The following ZNF292 variants were observed in gnomAD, a reference collection of about 807,000 sequenced individuals.
ZNF292 encodes zinc finger protein 292, also known as 16 zinc-finger domain protein.
In ZNF292, 26 loss-of-function variants were observed where a neutral mutation model predicts 217.9. That is an observed-to-expected ratio of 0.12 (90% CI 0.09 to 0.17). The LOEUF is 0.17. ZNF292 is among the 10% of genes least tolerant of loss of function. The pLI, the probability that ZNF292 is intolerant of heterozygous loss-of-function variation, is 1.00. For missense variants in ZNF292, 2,904 were observed against 3,175.2 expected (o/e 0.91, Z 2.05); for synonymous variants, 1,257 against 1,124.1 (o/e 1.12, Z -2.37).
At chr6:87,189,791 TC>T (rs1771775400) in intron 1 of ZNF292, among the ~76,000 whole-genome samples, 1 of 152,190 alleles carries the variant, frequency 6.6e-6, no homozygotes, top group Non-Finnish European at 1.5e-5. Flanking sequence ...TCTTCACCCT[TC>T]CCCTTCCATA....
In ZNF292 at chr6:87,257,185, C is replaced by T; in HGVS notation, c.3556C>T (p.His1186Tyr). The T allele has an allele frequency of 6.2e-7, 1 of 1,613,888 alleles. No homozygotes were observed. The highest frequency in any genetic ancestry group is 8.5e-7 in the Non-Finnish European group (1 of 1,179,852). Residue 1186 changes from histidine to tyrosine, a missense_variant, in exon 8 of 8, where the codon CAT becomes TAT. Transcript: ENST00000369577. ...TCCTGCTTGTTCGGCCCAGTTGCAG[C>T]ATGTCTCGCCACCCATTTTTCCAGC... is the stretch of plus-strand genomic sequence containing the variant. Reference protein sequence around the residue: ...GNPACSAQLQHVSPPIFPAHL... With the variant: ...GNPACSAQLQYVSPPIFPAHL...
At chr6:87,176,679 T>C (rs1287901697) in intron 1 of ZNF292, among the ~76,000 whole-genome samples, 1 of 152,218 alleles carries the variant, frequency 6.6e-6, no homozygotes, top group Non-Finnish European at 1.5e-5. Context: ...CTCATCATTA[T>C]GTCTGAGGCA....
Position 87,258,509 on chromosome 6 carries a change from C to T in ZNF292, c.4880C>T (p.Ala1627Val). 6.2e-7 allele frequency: 1 copy of T among 1,613,648 alleles called. No individual in the cohort carries two copies. The highest frequency in any genetic ancestry group is 8.5e-7 in the Non-Finnish European group (1 of 1,179,772). ...SSHLNKKGNS[A>V]SKRRKKVAPP... is the part of the protein sequence containing the mutation. ...CATTTAAATAAAAAGGGAAACAGTG[C>T]TTCTAAGAGAAGAAAGAAAGTTGCT... is the stretch of plus-strand genomic sequence containing the variant. The change falls in exon 8 of 8, where the codon GCT becomes GTT. Residue 1627 changes from alanine to valine, a missense_variant. By Grantham distance (64) the Ala-to-Val change is moderately conservative. Transcript: ENST00000369577.
chr6:87,235,955 TAAC>T (rs1413003211), intron 5 of ZNF292, among the ~76,000 whole-genome samples: 7 of 152,242 alleles, frequency 4.6e-5, no homozygotes, highest in Non-Finnish European at 7.3e-5. Flanking sequence ...TGTTACAAAG[TAAC>T]AACATTACTT....
At chr6:87,187,775 A>G (rs1459971065) in intron 1 of ZNF292, among the ~76,000 whole-genome samples, 1 of 151,426 alleles carries the variant, frequency 6.6e-6, no homozygotes, top group Non-Finnish European at 1.5e-5. Flanking sequence ...TTGATGCTCC[A>G]GATTAAAAGC....
At chr6:87,190,336 TAAG>T (rs1771788603) in intron 1 of ZNF292, among the ~76,000 whole-genome samples, 1 of 152,220 alleles carries the variant, frequency 6.6e-6, no homozygotes, top group African/African-American at 2.4e-5. Flanking sequence ...TGAATATTGT[TAAG>T]AAAGATCCTA....
At chr6:87,164,383 A>G (rs1770847824) in intron 1 of ZNF292, among the ~76,000 whole-genome samples, 1 of 152,106 alleles carries the variant, frequency 6.6e-6, no homozygotes, top group Non-Finnish European at 1.5e-5. Flanking sequence ...CTGGTGTCAT[A>G]TTTATAATGA....
At chr6:87,252,494 A>G (rs1168535201) in intron 7 of ZNF292, among the ~76,000 whole-genome samples, 1 of 152,130 alleles carries the variant, frequency 6.6e-6, no homozygotes, top group African/African-American at 2.4e-5. Flanking sequence ...CATTTCCTGA[A>G]TTTCTGAATA....
chr6:87,219,987 G>A (rs4707352), intron 4 of ZNF292, among the ~76,000 whole-genome samples: 96,174 of 151,872 alleles, frequency 0.63, 32,097 homozygotes, highest in African/African-American at 0.85. Context: ...CACTCAGCTA[G>A]TTTTTGTATT....
At chr6:87,176,781 T>A (rs911656991) in intron 1 of ZNF292, among the ~76,000 whole-genome samples, 3 of 152,190 alleles carry the variant, frequency 2.0e-5, no homozygotes, top group African/African-American at 7.2e-5. Context: ...TCTGACATTA[T>A]CTCCCGTCAC....
chr6:87,166,095 CAT>C (rs1403385330), intron 1 of ZNF292, among the ~76,000 whole-genome samples: 1 of 152,170 alleles, frequency 6.6e-6, no homozygotes, highest in Non-Finnish European at 1.5e-5. Context: ...AGAAACCCAA[CAT>C]ATTATGTTCA....
At chr6:87,226,576 G>A (rs1035902121) in intron 4 of ZNF292, among the ~76,000 whole-genome samples, 5 of 148,916 alleles carry the variant, frequency 3.4e-5, no homozygotes, top group East Asian at 3.9e-4. Context: ...ATTTTTAAAC[G>A]CACTCTTTGG....
At chr6:87,182,418 T>G (rs951241881) in intron 1 of ZNF292, among the ~76,000 whole-genome samples, 38 of 152,192 alleles carry the variant, frequency 2.5e-4, no homozygotes, top group Admixed American at 2.1e-3. Flanking sequence ...CAAATGACAG[T>G]CATGTAAATT....
At chr6:87,165,009 C>T (rs963586672) in intron 1 of ZNF292, among the ~76,000 whole-genome samples, 1 of 151,904 alleles carries the variant, frequency 6.6e-6, no homozygotes, top group Non-Finnish European at 1.5e-5. Flanking sequence ...TTGATCCGCC[C>T]GCCTCAGCCT....
chr6:87,156,136 C>T (rs2127766210), intron 1 of ZNF292, among the ~76,000 whole-genome samples: 1 of 152,370 alleles, frequency 6.6e-6, no homozygotes, highest in African/African-American at 2.4e-5. Flanking sequence ...GATTACCGCG[C>T]CTCCCGCCTC....
intron 1 of ZNF292, among the ~76,000 whole-genome samples, chr6:87,197,943 C>T (rs1772002632): frequency 6.6e-6 from 1 of 151,946 alleles, no homozygotes; most frequent in African/African-American, 2.4e-5. Flanking sequence ...GAACAGGTCT[C>T]TCTGAAATGT....
At chr6:87,245,240 A>G (rs1425443934) in intron 6 of ZNF292, among the ~76,000 whole-genome samples, 1 of 152,180 alleles carries the variant, frequency 6.6e-6, no homozygotes, top group Non-Finnish European at 1.5e-5. Context: ...TGTCTCAGAA[A>G]AAAAAAAATG....
intron 5 of ZNF292, among the ~76,000 whole-genome samples, chr6:87,238,535 A>C (rs1774013715): frequency 6.6e-6 from 1 of 151,302 alleles, no homozygotes; most frequent in Non-Finnish European, 1.5e-5. Context: ...TGGGGAAGTA[A>C]ATTTCTTGCC....
At chr6:87,156,857 C>G (rs1770560211) in intron 1 of ZNF292, among the ~76,000 whole-genome samples, 1 of 152,146 alleles carries the variant, frequency 6.6e-6, no homozygotes, top group Admixed American at 6.5e-5. Context: ...TTTAAAATTT[C>G]AAGGTAGTGT....
Sources: allele counts gnomAD v4.1 joint callset (sites outside exome capture counted in the v4.1 genomes callset), GRCh38; gene constraint gnomAD v4.1.1; transcripts MANE v1.5; gene names NCBI Gene and HGNC (gene_info 2026-07-23, HGNC 2026-07-21).